The following PJA2 variants were observed in gnomAD, a reference collection of about 807,000 sequenced individuals.
PJA2 encodes the protein praja ring finger ubiquitin ligase 2.
A neutral mutation model predicts 69.3 loss-of-function variants in PJA2; 25 were observed. The ratio of observed to expected loss-of-function variants is 0.36; its 90% CI spans 0.26 to 0.50. The LOEUF (loss-of-function observed/expected upper bound fraction) is 0.50. PJA2 is among the 20% of genes least tolerant of loss of function. The probability of loss-of-function intolerance (pLI) is 0.96; values close to 1 mark genes in which losing one functional copy is unlikely to be tolerated. For missense variants in PJA2, 809 were observed against 830.2 expected, an observed-to-expected ratio of 0.97 and a Z score of 0.31; for synonymous variants, 308 against 277.8, an observed-to-expected ratio of 1.11 and a Z score of -1.08.
chr5:109,383,201 G>A (rs1747090216), intron 2 of PJA2, among the ~76,000 whole-genome samples: 1 of 152,094 alleles, frequency 6.6e-6, no homozygotes. Context: ...CAAGCTAAAT[G>A]GGTATGGAAA....
At chr5:109,382,581 C>A (rs771117708) in intron 2 of PJA2, among the ~76,000 whole-genome samples, 8 of 152,188 alleles carry the variant, frequency 5.3e-5, no homozygotes, top group Non-Finnish European at 1.2e-4. Flanking sequence ...GGCATGGTGG[C>A]TCATGCCTGT....
intron 9 of PJA2, 60 bp downstream of exon 9, chr5:109,344,130 A>G: frequency 2.2e-6 from 2 of 897,446 alleles, no homozygotes; most frequent in Non-Finnish European, 3.2e-6. Flanking sequence ...AGATACTATT[A>G]TTCACTTGCA....
intron 1 of PJA2, among the ~76,000 whole-genome samples, chr5:109,393,210 C>T (rs1747320669): frequency 1.3e-5 from 2 of 151,898 alleles, no homozygotes; most frequent in African/African-American, 4.8e-5. Context: ...AAAAGGTTAC[C>T]CAAATGGCTA....
chr5:109,404,383 T>C (rs534356985), intron 1 of PJA2, among the ~76,000 whole-genome samples: 1 of 151,832 alleles, frequency 6.6e-6, no homozygotes, highest in Admixed American at 6.6e-5. Flanking sequence ...TAGCCAGGCA[T>C]GGTGACATAC....
At chr5:109,401,458 CA>C (rs946564079) in intron 1 of PJA2, among the ~76,000 whole-genome samples, 14 of 146,092 alleles carry the variant, frequency 9.6e-5, no homozygotes, top group Admixed American at 1.4e-4. Flanking sequence ...GACCTTGTCT[CA>C]AAAAAAAACA....
chr5:109,376,074 T>C (rs1454427920), intron 4 of PJA2, among the ~76,000 whole-genome samples: 1 of 152,164 alleles, frequency 6.6e-6, no homozygotes, highest in African/African-American at 2.4e-5. Context: ...TCTATGATTC[T>C]TTAAAACAAA....
chr5:109,344,267 T>C lies in PJA2; in HGVS notation c.1924A>G (p.Ile642Val), dbSNP rs1246836049. Residue 642 changes from isoleucine to valine, a missense_variant, in exon 9 of 10, where the codon ATT becomes GTT. Ile to Val is a conservative substitution (Grantham distance 29, BLOSUM62 3). Transcript: ENST00000361189. ...QCCPICCSEY[I>V]KDDIATELPC... ...AACTCTGTTGCTATATCATCCTTAA[T>C]ATACTCACTGCAACAGATTGGACAG... The C allele has an allele frequency of 6.2e-7, 1 of 1,611,528 alleles. No homozygotes were observed. Among genetic ancestry groups the C allele is most frequent in the African/African-American group, 1.3e-5 (1 of 74,860 alleles).
chr5:109,407,443 A>G (rs1196601327), intron 1 of PJA2, among the ~76,000 whole-genome samples: 2 of 152,210 alleles, frequency 1.3e-5, no homozygotes, highest in African/African-American at 4.8e-5. Flanking sequence ...ACCAAACATC[A>G]TAATTAATGC....
chr5:109,400,506 G>A (rs1334650015), intron 1 of PJA2, among the ~76,000 whole-genome samples: 3 of 148,452 alleles, frequency 2.0e-5, no homozygotes, highest in Non-Finnish European at 4.5e-5. Flanking sequence ...AGGGCGGGGG[G>A]GTGTCGCGGG....
chr5:109,379,576 C>T (rs1255097521), intron 3 of PJA2, among the ~76,000 whole-genome samples: 4 of 152,186 alleles, frequency 2.6e-5, no homozygotes, highest in Admixed American at 6.5e-5. Context: ...GGAAGCCTCT[C>T]GTAAGTGGAG....
chr5:109,386,478 T>C (rs956955226), intron 1 of PJA2, among the ~76,000 whole-genome samples: 11 of 152,214 alleles, frequency 7.2e-5, no homozygotes, highest in African/African-American at 1.9e-4. Context: ...TTTTCTTTAA[T>C]GTGATTCCAC....
chr5:109,358,094 C>A (rs1204084297), intron 6 of PJA2, among the ~76,000 whole-genome samples: 1 of 152,184 alleles, frequency 6.6e-6, no homozygotes, highest in Non-Finnish European at 1.5e-5. Context: ...CCAAAACTGG[C>A]CATAAACAAA....
chr5:109,409,651 CGAAG>C (rs1747783485), intron 1 of PJA2, among the ~76,000 whole-genome samples, 187 bp downstream of exon 1: 1 of 151,812 alleles, frequency 6.6e-6, no homozygotes, highest in Admixed American at 6.5e-5. Flanking sequence ...GCCCAGGAGG[CGAAG>C]AAGGCCTCCC....
intron 3 of PJA2, among the ~76,000 whole-genome samples, chr5:109,380,327 GA>G (rs2127007320): frequency 6.6e-6 from 1 of 152,102 alleles, no homozygotes; most frequent in East Asian, 1.9e-4. Context: ...AGTTTGCTTA[GA>G]ACAAGAGGAA....
At chr5:109,353,766 A>T (rs1452657897) in intron 7 of PJA2, among the ~76,000 whole-genome samples, 3 of 131,830 alleles carry the variant, frequency 2.3e-5, no homozygotes, top group African/African-American at 8.4e-5. Flanking sequence ...TGATATCTAG[A>T]GATATCTATA....
chr5:109,407,254 T>C (rs942049696), intron 1 of PJA2, among the ~76,000 whole-genome samples: 5 of 152,108 alleles, frequency 3.3e-5, no homozygotes, highest in African/African-American at 1.2e-4. Flanking sequence ...CTCAGGAAAA[T>C]ATAAACCAGG....
chr5:109,344,100 C>CAAAAA (rs916556182), intron 9 of PJA2, 90 bp downstream of exon 9: 40 of 398,580 alleles, frequency 1.0e-4, no homozygotes, highest in East Asian at 2.3e-4. Context: ...TTTGTCTCAC[C>CAAAAA]AAAAAAAAAA....
intron 1 of PJA2, among the ~76,000 whole-genome samples, chr5:109,397,136 G>C (rs1440186889): frequency 2.0e-5 from 3 of 152,160 alleles, no homozygotes; most frequent in African/African-American, 4.8e-5. Context: ...ACAAGCAACA[G>C]GTGCCATATT....
chr5:109,337,554 A>G (rs1761970012), intron 9 of PJA2, among the ~76,000 whole-genome samples, 198 bp from the exon 10 acceptor site: 1 of 152,154 alleles, frequency 6.6e-6, no homozygotes, highest in Admixed American at 6.5e-5. Flanking sequence ...AGTTTCTTTG[A>G]GGGTAAATGA....
Sources: gnomAD v4.1 joint callset for allele counts (sites outside exome capture counted in the v4.1 genomes callset) on GRCh38, gnomAD v4.1.1 for gene constraint, MANE v1.5 for transcripts, NCBI Gene and HGNC (gene_info 2026-07-23, HGNC 2026-07-21) for gene names.